The following ZRANB1 variants were observed in gnomAD, a reference collection of about 807,000 sequenced individuals.
ZRANB1 encodes ubiquitin thioesterase ZRANB1.
In ZRANB1, 16 loss-of-function variants were observed where a neutral mutation model predicts 80.5. The ratio of observed to expected loss-of-function variants is 0.20; its 90% CI spans 0.13 to 0.30. ZRANB1 has a LOEUF of 0.30. Among genes scored for constraint, ZRANB1 ranks in the 10% least tolerant of loss-of-function variants. The pLI, the probability that ZRANB1 is intolerant of heterozygous loss-of-function variation, is 1.00. For synonymous variants in ZRANB1, 291 were observed against 293.1 expected (o/e 0.99, Z 0.07); for missense variants, 576 against 862.6 (o/e 0.67, Z 4.16).
At chr10:124,978,792 AATT>A (rs1325848361) in intron 5 of ZRANB1, among the ~76,000 whole-genome samples, 11 of 63,254 alleles carry the variant, frequency 1.7e-4, no homozygotes, top group Non-Finnish European at 1.6e-4. Context: ...ATTCCCAGCT[AATT>A]TTTTTTTTTT....
chr10:124,964,448 T>C (rs1228299790), intron 1 of ZRANB1, among the ~76,000 whole-genome samples: 1 of 152,174 alleles, frequency 6.6e-6, no homozygotes, highest in African/African-American at 2.4e-5. Context: ...CTAAAAACAA[T>C]AAAGCGATTT....
At chr10:124,921,812 G>A in the ZRANB1 span, among the ~76,000 whole-genome samples, 4 of 151,478 alleles carry the variant, frequency 2.6e-5, no homozygotes, top group Non-Finnish European at 5.9e-5. Context: ...GAAAAATCTG[G>A]ATCCGTAAGC....
intron 5 of ZRANB1, among the ~76,000 whole-genome samples, chr10:124,978,129 G>C (rs1951896190): frequency 1.3e-5 from 2 of 152,192 alleles, no homozygotes; most frequent in South Asian, 4.1e-4. Context: ...CGGGAGATCA[G>C]ATATACTAGC....
chr10:124,956,044 G>T (rs1046111795), intron 1 of ZRANB1, among the ~76,000 whole-genome samples: 5 of 152,248 alleles, frequency 3.3e-5, no homozygotes, highest in African/African-American at 1.2e-4. Context: ...CGTAGTTCTC[G>T]GCTTTCAGAA....
intron 1 of ZRANB1, among the ~76,000 whole-genome samples, chr10:124,966,121 G>C (rs886857558): frequency 9.2e-5 from 14 of 152,154 alleles, no homozygotes; most frequent in African/African-American, 3.4e-4. Context: ...CTAAAGAGCA[G>C]TATGGAAAGC....
At chr10:124,948,370 G>A (rs910513608) in intron 1 of ZRANB1, among the ~76,000 whole-genome samples, 1 of 152,122 alleles carries the variant, frequency 6.6e-6, no homozygotes, top group African/African-American at 2.4e-5. Context: ...GTATTTTGGG[G>A]GGAGTTAAAA....
At chr10:124,979,676 T>C (rs1158995691) in intron 5 of ZRANB1, among the ~76,000 whole-genome samples, 1 of 152,230 alleles carries the variant, frequency 6.6e-6, no homozygotes, top group African/African-American at 2.4e-5. Flanking sequence ...CATTTTTGTT[T>C]TACATTTTGA....
Position 124,987,322 on chromosome 10 carries a change from G to A in ZRANB1, c.*2330G>A, listed in dbSNP as rs1439721896. On this transcript the variant is annotated 3_prime_UTR_variant, in exon 9 of 9. Coordinates refer to ENST00000359653, the MANE Select transcript of ZRANB1 (RefSeq NM_017580.3). ...GTTCTTTTTCTAGAGCAAACAGAGC[G>A]TGGCATTTTGTTTTGACTTGTTCTT... is the stretch of plus-strand genomic sequence containing the variant. The A allele has an allele frequency of 2.0e-5, 3 of 152,284 alleles. No individual in the cohort carries two copies. Among genetic ancestry groups the A allele is most frequent in the South Asian group, 2.1e-4 (1 of 4,816 alleles). The allele number at this position is 152,284 out of a possible 1,614,324, so 9.4% of individuals were successfully genotyped here.
intron 1 of ZRANB1, among the ~76,000 whole-genome samples, chr10:124,943,915 A>C (rs1055682647): frequency 6.6e-6 from 1 of 152,240 alleles, no homozygotes; most frequent in Non-Finnish European, 1.5e-5. Flanking sequence ...GTGTGACTCC[A>C]AGAAGTTGAA....
At chr10:124,972,845 C>T (rs1161492792) in intron 3 of ZRANB1, among the ~76,000 whole-genome samples, 1 of 151,260 alleles carries the variant, frequency 6.6e-6, no homozygotes, top group East Asian at 1.9e-4. Flanking sequence ...TGGGCGTGAT[C>T]ATAGCTTACT....
intron 1 of ZRANB1, among the ~76,000 whole-genome samples, chr10:124,965,681 C>T (rs1951770257): frequency 6.6e-6 from 1 of 152,138 alleles, no homozygotes; most frequent in African/African-American, 2.4e-5. Context: ...ATTTAGGAAA[C>T]ACTTAAAAGT....
chr10:124,944,357 C>A (rs553381425), intron 1 of ZRANB1, among the ~76,000 whole-genome samples: 1 of 152,130 alleles, frequency 6.6e-6, no homozygotes, highest in East Asian at 1.9e-4. Flanking sequence ...CCCTCAGTAC[C>A]AATTTCTTTT....
the ZRANB1 span, among the ~76,000 whole-genome samples, chr10:124,926,840 G>A: frequency 6.6e-6 from 1 of 152,158 alleles, no homozygotes; most frequent in African/African-American, 2.4e-5. Context: ...ACATTATGGT[G>A]GCTTTGACGT....
At chr10:124,944,625 C>T (rs138559352) in intron 1 of ZRANB1, among the ~76,000 whole-genome samples, 1 of 151,844 alleles carries the variant, frequency 6.6e-6, no homozygotes, top group Non-Finnish European at 1.5e-5. Flanking sequence ...GCTGGGACTC[C>T]CCATTAGCAT....
At chr10:124,977,424 A>G (rs918159602) in intron 5 of ZRANB1, among the ~76,000 whole-genome samples, 1 of 151,986 alleles carries the variant, frequency 6.6e-6, no homozygotes, top group African/African-American at 2.4e-5. Context: ...TGGAATTCTC[A>G]GATGGTTGCA....
chr10:124,974,880 C>T (rs772344637), intron 5 of ZRANB1, among the ~76,000 whole-genome samples: 2 of 152,176 alleles, frequency 1.3e-5, no homozygotes, highest in African/African-American at 2.4e-5. Flanking sequence ...CCACTGCATC[C>T]TCCACCTCCT....
the ZRANB1 span, among the ~76,000 whole-genome samples, chr10:124,920,987 T>C: frequency 1.3e-5 from 2 of 152,178 alleles, no homozygotes; most frequent in African/African-American, 2.4e-5. Context: ...TTTCTGGGAC[T>C]TTATGGTTTA....
intron 1 of ZRANB1, among the ~76,000 whole-genome samples, chr10:124,965,396 A>C (rs1951768257): frequency 1.3e-5 from 2 of 152,216 alleles, no homozygotes; most frequent in African/African-American, 4.8e-5. Context: ...TATTGGAGTC[A>C]TGTTTTCACT....
At position 124,983,378 on chromosome 10, in the gene ZRANB1, AC is replaced by A. The variant is rs1277252920; in HGVS notation, c.1678+75del. 6.3e-7 allele frequency: 1 copy of A among 1,596,634 alleles called. No individual in the cohort carries two copies. Among genetic ancestry groups the A allele is most frequent in the African/African-American group, 1.3e-5 (1 of 74,426 alleles). On this transcript the variant is annotated intron_variant, in intron 7 of 8. Coordinates refer to ENST00000359653, the MANE Select transcript of ZRANB1 (RefSeq NM_017580.3). This position sits in a 1 kb window ranked among gnomAD's most constrained non-coding sequence, Gnocchi z 6.2. ...CTCAGATGTCAGGAAGGAGCAGTGG[AC>A]AGGGGAATGTGAACAAGGGCAGTGA...
Sources: gnomAD v4.1 joint callset for allele counts (sites outside exome capture counted in the v4.1 genomes callset) on GRCh38, gnomAD v4.1.1 for gene constraint, Gnocchi (gnomAD v3.1) non-coding constraint, MANE v1.5 for transcripts, NCBI Gene and HGNC (gene_info 2026-07-23, HGNC 2026-07-21) for gene names.